The following SDCBP2 variants were observed in gnomAD, a reference collection of about 807,000 sequenced individuals.
SDCBP2 encodes the protein syntenin-2.
SDCBP2 carries 28 observed loss-of-function variants against 30.7 expected under a neutral mutation model. The observed-to-expected ratio is 0.91, with a 90% CI of 0.68 to 1.25. SDCBP2 has a LOEUF of 1.25. Ranked by LOEUF, SDCBP2 falls within the 50% of genes most tolerant of loss-of-function variation. The pLI, the probability that SDCBP2 is intolerant of heterozygous loss-of-function variation, is 0.00. For synonymous variants in SDCBP2, 166 were observed against 157.3 expected, an observed-to-expected ratio of 1.06 and a Z score of -0.41; for missense variants, 399 against 379.0, an observed-to-expected ratio of 1.05 and a Z score of -0.44.
intron 4 of SDCBP2, among the ~76,000 whole-genome samples, chr20:1,317,136 T>C (rs1038464231): frequency 2.0e-5 from 3 of 151,200 alleles, no homozygotes; most frequent in Non-Finnish European, 4.4e-5. Context: ...GGGAGGGAGG[T>C]GGTTGTGGTG....
intron 8 of SDCBP2, 135 bp downstream of exon 8, chr20:1,310,665 A>C (rs1466125635): frequency 9.9e-7 from 1 of 1,012,464 alleles, no homozygotes. Flanking sequence ...AAGGGAGGAT[A>C]GAGCTGGCTG....
chr20:1,314,294 G>C (rs1180597781), intron 4 of SDCBP2, among the ~76,000 whole-genome samples: 1 of 151,856 alleles, frequency 6.6e-6, no homozygotes, highest in African/African-American at 2.4e-5. Context: ...TTCAAGACTA[G>C]CCTGGGCAAC....
rs751295912 is a variant in SDCBP2 at position 1,313,367 on chromosome 20, G to C, written c.357C>G (p.Thr119=). The change falls in exon 5 of 9, where the codon ACC becomes ACG. Residue 119 remains threonine (T), a synonymous_variant. Coordinates refer to ENST00000360779, the MANE Select transcript of SDCBP2 (RefSeq NM_080489.5). The surrounding 1 kb of genome is among the most constrained non-coding windows in gnomAD (Gnocchi z 5.2). ...GGTCGACCTTCCGCAGCCTCAGCCC[G>C]GTCTTGCCGCGCTCGTCCTTGCACA... ...IHLCKDERGK[T]GLRLRKVDQG... is the part of the protein sequence containing the mutation. The C allele has an allele frequency of 2.0e-5, 33 of 1,611,530 alleles. No individual in the cohort carries two copies. Among genetic ancestry groups the C allele is most frequent in the Non-Finnish European group, 2.8e-5 (33 of 1,179,596 alleles).
intron 2 of SDCBP2, 84 bp from the exon 3 acceptor site, chr20:1,319,743 G>C: frequency 2.5e-6 from 3 of 1,200,404 alleles, no homozygotes; most frequent in Non-Finnish European, 3.4e-6. Flanking sequence ...GCCAGGGTCT[G>C]GGCATTAGGG....
rs549180980 is a variant in SDCBP2 at position 1,318,973 on chromosome 20, T to C, written c.125-555A>G. Among the ~76,000 whole-genome samples the C allele has an allele frequency of 1.1e-4, 16 of 152,340 alleles. No homozygotes were observed. The South Asian group carries it at 3.3e-3, about 32-fold the overall frequency. ...TCCAGCCTCCAGAGCTGTGGGAATA[T>C]ACATTTCTGCTGTTGAAGTCATCCA... is the stretch of plus-strand genomic sequence containing the variant. On this transcript the variant is annotated intron_variant, in intron 3 of 8. Transcript: ENST00000360779.
intron 1 of SDCBP2, among the ~76,000 whole-genome samples, chr20:1,328,262 C>T (rs1462938705): frequency 6.6e-6 from 1 of 152,098 alleles, no homozygotes; most frequent in Non-Finnish European, 1.5e-5. Flanking sequence ...TTGGCATTTA[C>T]TGTAGTGAGA....
Position 1,320,262 on chromosome 20 carries a change from G to T in SDCBP2, c.54+101C>A. ...GCAGTGGACACCTACATGCCCTGAG[G>T]CCTACGGGAATCTCCAAGTGGCCCC... On this transcript the variant is annotated intron_variant, in intron 2 of 8. Coordinates refer to ENST00000360779, the MANE Select transcript of SDCBP2 (RefSeq NM_080489.5). The surrounding 1 kb of genome is among the most constrained non-coding windows in gnomAD (Gnocchi z 4.7). 1.9e-6 allele frequency: 2 copies of T among 1,056,474 alleles called. No homozygotes were observed. Among genetic ancestry groups the T allele is most frequent in the East Asian group, 2.4e-5 (1 of 42,224 alleles). The allele number at this position is 1,056,474 out of a possible 1,614,324, so 65.4% of individuals were successfully genotyped here.
chr20:1,311,900 C>CTTTT (rs11471529), intron 7 of SDCBP2, among the ~76,000 whole-genome samples: 58,226 of 120,586 alleles, frequency 0.48, 16,220 homozygotes, highest in East Asian at 0.88. Flanking sequence ...GGTACACTGT[C>CTTTT]TTTTTTTTTT....
chr20:1,313,119 G>A lies in SDCBP2; in HGVS notation c.384+221C>T, dbSNP rs1017253444. ...GTGGGGAAGGGAGGCTCCTCCGAGC[G>A]ACGGAAGCCCACGGAGAGGCCAGTG... is the stretch of plus-strand genomic sequence containing the variant. On this transcript the variant is annotated intron_variant, in intron 5 of 8. Coordinates refer to ENST00000360779, the MANE Select transcript of SDCBP2 (RefSeq NM_080489.5). The surrounding 1 kb of genome is among the most constrained non-coding windows in gnomAD (Gnocchi z 5.2). 8.2e-6 allele frequency: 5 copies of A among 606,140 alleles called. No homozygotes were observed. The highest frequency in any genetic ancestry group is 3.7e-5 in the African/African-American group (2 of 53,816). The allele number at this position is 606,140 out of a possible 1,614,324, so 37.5% of individuals were successfully genotyped here.
intron 4 of SDCBP2, chr20:1,317,823 G>A (rs2088799573): frequency 3.6e-6 from 1 of 278,562 alleles, no homozygotes; most frequent in Non-Finnish European, 7.0e-6. Context: ...ACTGGCAAGG[G>A]GCTTAGGCGG....
At chr20:1,311,678 A>C (rs1174983376) in intron 7 of SDCBP2, among the ~76,000 whole-genome samples, 1 of 152,218 alleles carries the variant, frequency 6.6e-6, no homozygotes, top group African/African-American at 2.4e-5. Context: ...GATCTCAAGA[A>C]GTGTGGCTGG....
At chr20:1,310,998 T>G in intron 7 of SDCBP2, 107 bp from the exon 8 acceptor site, 2 of 764,762 alleles carry the variant, frequency 2.6e-6, no homozygotes, top group Non-Finnish European at 4.2e-6. Flanking sequence ...AGGACACCAC[T>G]GATGGCTGAC....
chr20:1,326,570 C>T (rs944795079), intron 1 of SDCBP2, among the ~76,000 whole-genome samples: 1 of 152,216 alleles, frequency 6.6e-6, no homozygotes, highest in African/African-American at 2.4e-5. Flanking sequence ...TTGTTGTGAA[C>T]TCTTTTTCCT....
At position 1,310,461 on chromosome 20, in the gene SDCBP2, G is replaced by A; in HGVS notation, c.859C>T (p.His287Tyr). Reference sequence around the variant, plus strand: ...TGGCTTCAGGCATCTGGGATGGAGTGGTCCATGGTGTGGTGGAGCAGGACT... The same window carrying A: ...TGGCTTCAGGCATCTGGGATGGAGTAGTCCATGGTGTGGTGGAGCAGGACT... ...PPVLLHHTMD[H>Y]SIPDA The change falls in exon 9 of 9, where the codon CAC becomes TAC. Residue 287 changes from histidine to tyrosine, a missense_variant. His to Tyr is a moderately conservative substitution (Grantham distance 83, BLOSUM62 2). Transcript: ENST00000360779. The A allele has an allele frequency of 6.2e-7, 1 of 1,613,554 alleles. No homozygotes were observed. The highest frequency in any genetic ancestry group is 8.5e-7 in the Non-Finnish European group (1 of 1,179,926).
rs1267901480 is a variant in SDCBP2, at chr20:1,324,773, A to G, written c.-20+4312T>C. 6.6e-6 allele frequency among the ~76,000 whole-genome samples: 1 copy of G among 151,882 alleles called. No homozygotes were observed. The highest frequency in any genetic ancestry group is 2.4e-5 in the African/African-American group (1 of 41,296). ...GTGTACATGTGTAGCTGTCACAGTG[A>G]CTCCGCGCTTTTATATAAATATATT... On this transcript the variant is annotated intron_variant, in intron 1 of 8. Coordinates refer to ENST00000360779, the MANE Select transcript of SDCBP2 (RefSeq NM_080489.5). The surrounding 1 kb of genome is among the most constrained non-coding windows in gnomAD (Gnocchi z 4.7).
rs1355878786 is a variant in SDCBP2 at position 1,313,186 on chromosome 20, G to C, written c.384+154C>G. 6.2e-6 allele frequency: 5 copies of C among 801,882 alleles called. No homozygotes were observed. In the Admixed American group the frequency reaches 7.0e-5, roughly 11 times the overall value. The allele number at this position is 801,882 out of a possible 1,614,324, so 49.7% of individuals were successfully genotyped here. A position where few individuals can be genotyped will look rare whatever the true frequency, so the allele number is the denominator to read the frequency against. On this transcript the variant is annotated intron_variant, in intron 5 of 8. Transcript: ENST00000360779. The surrounding 1 kb of genome is among the most constrained non-coding windows in gnomAD (Gnocchi z 5.2). ...CCAGCACCAGCCCCGCCCGGGTCTC[G>C]GGGAGGAGGGACTGGGGGCAAGAGC...
chr20:1,312,805 C>T (rs1466266351), intron 5 of SDCBP2, 43 bp from the exon 6 acceptor site: 3 of 1,561,232 alleles, frequency 1.9e-6, no homozygotes, highest in Admixed American at 1.8e-5. Context: ...CTGGCCCACC[C>T]TAGGCACAGA....
In SDCBP2 at chr20:1,321,729, G is replaced by A. The variant is rs2088852962; in HGVS notation, c.-19-1294C>T. 6.6e-6 allele frequency: 1 copy of A among 152,270 alleles called. No homozygotes were observed. The highest frequency in any genetic ancestry group is 2.4e-5 in the African/African-American group (1 of 41,460). 9.4% of individuals were successfully genotyped at this position (152,270 alleles called of 1,614,324 possible). On this transcript the variant is annotated intron_variant, in intron 1 of 8. Coordinates refer to ENST00000360779, the MANE Select transcript of SDCBP2 (RefSeq NM_080489.5). This position sits in a 1 kb window ranked among gnomAD's most constrained non-coding sequence, Gnocchi z 5.2. Reference sequence around the variant, plus strand: ...ACAGGGCCTTCACGATTCCACCAGAGATTGGAACTGGTGGGCCCAGGGCCA... The same window carrying A: ...ACAGGGCCTTCACGATTCCACCAGAAATTGGAACTGGTGGGCCCAGGGCCA...
rs1225364348 is a variant in SDCBP2 at position 1,320,386 on chromosome 20, G to A, written c.31C>T (p.Leu11=). The change falls in exon 2 of 9, where the codon CTA becomes TTA. Residue 11 remains leucine (L), a synonymous_variant. Transcript: ENST00000360779. This position sits in a 1 kb window ranked among gnomAD's most constrained non-coding sequence, Gnocchi z 4.7. MSSLYPSLED[L]KVDQAIQAQV... is the part of the protein sequence containing the mutation. ...ACCTGAATGGCTTGGTCCACTTTTAGGTCCTCTAGAGATGGGTACAGGGAT... is the reference window on the plus strand; with the variant it reads ...ACCTGAATGGCTTGGTCCACTTTTAAGTCCTCTAGAGATGGGTACAGGGAT... 6.2e-7 allele frequency: 1 copy of A among 1,613,670 alleles called. No individual in the cohort carries two copies. The highest frequency in any genetic ancestry group is 1.7e-5 in the Admixed American group (1 of 59,992).
Sources: gnomAD v4.1 joint callset for allele counts (sites outside exome capture counted in the v4.1 genomes callset) on GRCh38, gnomAD v4.1.1 for gene constraint, Gnocchi (gnomAD v3.1) non-coding constraint, MANE v1.5 for transcripts, NCBI Gene and HGNC (gene_info 2026-07-23, HGNC 2026-07-21) for gene names.